Variants in LAMC2 observed in about 807,000 individuals in gnomAD.
LAMC2 encodes the protein laminin subunit gamma 2.
In LAMC2, 97 loss-of-function variants were observed where a neutral mutation model predicts 140.2. The observed-to-expected ratio is 0.69, with a 90% confidence interval of 0.59 to 0.82. The LOEUF (loss-of-function observed/expected upper bound fraction) is 0.82, where lower values mean the gene tolerates loss of function less well. LAMC2 is among the 40% of genes least tolerant of loss of function. LAMC2 has a pLI of 0.00. For missense variants in LAMC2, 1,402 were observed against 1,476.1 expected, an observed-to-expected ratio of 0.95 and a Z score of 0.82; for synonymous variants, 513 against 540.2, an observed-to-expected ratio of 0.95 and a Z score of 0.70.
At position 183,228,750 on chromosome 1, in the gene LAMC2, G is replaced by A; in HGVS notation, c.1714+131G>A. 1 of 1,244,388 alleles carries A rather than the reference G, an allele frequency of 8.0e-7. No individual in the cohort carries two copies. Among genetic ancestry groups the A allele is most frequent in the Non-Finnish European group, 1.2e-6 (1 of 863,102 alleles). The allele number at this position is 1,244,388 out of a possible 1,614,324, so 77.1% of individuals were successfully genotyped here. On this transcript the variant is annotated intron_variant, in intron 11 of 22. Transcript: ENST00000264144. The surrounding 1 kb of genome is among the most constrained non-coding windows in gnomAD (Gnocchi z 4.3). ...TGATTCTCTGACCAAACTGGCCTGT[G>A]AGCACCCTGGGCCTTTCTTCCTCTG...
rs1347387956 is a variant in LAMC2 at position 183,238,226 on chromosome 1, G to C, written c.2755-81G>C. Reference sequence around the variant, plus strand: ...CTGCAGTGAATCACAATGATCTGCTGTCATGAAGAGAAATGTGTCAGAGTG... The same window carrying C: ...CTGCAGTGAATCACAATGATCTGCTCTCATGAAGAGAAATGTGTCAGAGTG... On this transcript the variant is annotated intron_variant, in intron 18 of 22. Transcript: ENST00000264144. The C allele has an allele frequency of 4.0e-6, 4 of 1,001,850 alleles. No individual in the cohort carries two copies. In the East Asian group the frequency reaches 7.1e-5, roughly 18 times the overall value. 62.1% of individuals were successfully genotyped at this position (1,001,850 alleles called of 1,614,324 possible).
chr1:183,203,936 T>C (rs1658803119), intron 1 of LAMC2, among the ~76,000 whole-genome samples: 1 of 152,148 alleles, frequency 6.6e-6, no homozygotes, highest in South Asian at 2.1e-4. Context: ...GGAGGGGAGA[T>C]GCTGGCTAAG....
chr1:183,238,814 G>T (rs1490168459), intron 19 of LAMC2, among the ~76,000 whole-genome samples: 1 of 151,918 alleles, frequency 6.6e-6, no homozygotes, highest in East Asian at 1.9e-4. Flanking sequence ...TGTGTAGTCT[G>T]GTTGGTTCCA....
In LAMC2 at chr1:183,231,048, A is replaced by C; in HGVS notation, c.1802A>C (p.Asn601Thr). 1 of 1,614,166 alleles carries C rather than the reference A, an allele frequency of 6.2e-7. No homozygotes were observed. Among genetic ancestry groups the C allele is most frequent in the Non-Finnish European group, 8.5e-7 (1 of 1,180,024 alleles). The change falls in exon 12 of 23, where the codon AAC becomes ACC. Residue 601 changes from asparagine (N) to threonine (T), a missense_variant. Transcript: ENST00000264144. The part of the protein sequence containing the change: ...CVCKPGFGGP[N>T]CEHGAFSCPA... ...TGCAAGCCAGGATTTGGTGGCCCCA[A>C]CTGTGAGCATGGAGCATTCAGCTGT...
rs756017057 is a variant in LAMC2 at position 183,228,641 on chromosome 1, G to T, written c.1714+22G>T. 13 of 1,613,382 alleles carry T rather than the reference G, an allele frequency of 8.1e-6. No homozygotes were observed. Among genetic ancestry groups the T allele is most frequent in the East Asian group, 6.7e-5 (3 of 44,870 alleles). On this transcript the variant is annotated intron_variant, in intron 11 of 22. Transcript: ENST00000264144. The surrounding 1 kb of genome is among the most constrained non-coding windows in gnomAD (Gnocchi z 4.3). ...CGAGGTAGGACTCCACCCCAGGCAG[G>T]CTGTGTCTGTGCGTGCCTGTGTACG... is the stretch of plus-strand genomic sequence containing the variant.
At chr1:183,256,354 A>T in the LAMC2 span, among the ~76,000 whole-genome samples, 1 of 152,164 alleles carries the variant, frequency 6.6e-6, no homozygotes, top group African/African-American at 2.4e-5. Context: ...GGTTGCAGTG[A>T]GCAGAGATTG....
chr1:183,225,627 A>T lies in LAMC2; in HGVS notation c.973A>T (p.Asn325Tyr). The T allele has an allele frequency of 6.2e-7, 1 of 1,613,672 alleles. No individual in the cohort carries two copies. Among genetic ancestry groups the T allele is most frequent in the Non-Finnish European group, 8.5e-7 (1 of 1,179,510 alleles). Residue 325 changes from asparagine (N) to tyrosine (Y), a missense_variant, in exon 8 of 23, where the codon AAT (asparagine) becomes TAT (tyrosine). Asn to Tyr is a moderately radical substitution (Grantham distance 143). Around this residue, in one of 3 missense-constraint regions of LAMC2, gnomAD observed 723 missense variants for 783.3 expected, o/e 0.92. Transcript: ENST00000264144. ...ATGCAGGTTAAATGAGCATCCAAGCAATAATTGGAGCCCCCAGCTGAGTTA... is the reference window on the plus strand; with the variant it reads ...ATGCAGGTTAAATGAGCATCCAAGCTATAATTGGAGCCCCCAGCTGAGTTA... ...YTFRLNEHPS[N>Y]NWSPQLSYFE...
chr1:183,235,504 C>T, intron 15 of LAMC2, 71 bp from the exon 16 acceptor site: 1 of 1,556,454 alleles, frequency 6.4e-7, no homozygotes, highest in Non-Finnish European at 8.8e-7. Flanking sequence ...CTTTGCCCTT[C>T]GTGTAACTGA....
At chr1:183,231,606 A>G (rs895396837) in intron 12 of LAMC2, among the ~76,000 whole-genome samples, 14 of 152,248 alleles carry the variant, frequency 9.2e-5, no homozygotes, top group African/African-American at 3.4e-4. Flanking sequence ...TCCAGAAAGT[A>G]TCAAGGCTTC....
Position 183,240,163 on chromosome 1 carries a change from C to A in LAMC2, c.3193C>A (p.Leu1065Met). Residue 1065 changes from leucine to methionine, a missense_variant, in exon 21 of 23, where the codon CTG becomes ATG. This residue lies in a region of LAMC2 where 670 missense variants were observed against 667.2 expected (regional missense o/e 1.00). Transcript: ENST00000264144. ...EVEGELERKE[L>M]EFDTNMDAVQ... Reference sequence around the variant, plus strand: ...GGAAGGAGAGCTGGAAAGGAAGGAGCTGGAGTTTGACACGAATATGGATGC... The same window carrying A: ...GGAAGGAGAGCTGGAAAGGAAGGAGATGGAGTTTGACACGAATATGGATGC... The A allele has an allele frequency of 1.2e-5, 20 of 1,614,198 alleles. No homozygotes were observed. Among genetic ancestry groups the A allele is most frequent in the Non-Finnish European group, 1.7e-5 (20 of 1,180,034 alleles).
downstream of LAMC2, chr1:183,248,595 A>G (rs201758973): frequency 6.6e-6 from 1 of 152,186 alleles, no homozygotes; most frequent in African/African-American, 2.4e-5. Context: ...TCACACTACA[A>G]AGAGACCACA....
chr1:183,222,305 A>G lies in LAMC2; in HGVS notation c.763+94A>G. ...AGTTAGAAATTGTGGAAACCATATA[A>G]CTTTGGGTTCAGGGTAGCAGCATCT... On this transcript the variant is annotated intron_variant, in intron 6 of 22. Transcript: ENST00000264144. 4.9e-6 allele frequency: 7 copies of G among 1,420,276 alleles called. No individual in the cohort carries two copies. In the South Asian group the frequency reaches 6.9e-5, roughly 14 times the overall value. 88.0% of individuals were successfully genotyped at this position (1,420,276 alleles called of 1,614,324 possible).
chr1:183,256,359 A>AGATT, the LAMC2 span, among the ~76,000 whole-genome samples: 1 of 152,142 alleles, frequency 6.6e-6, no homozygotes, highest in Non-Finnish European at 1.5e-5. Context: ...CAGTGAGCAG[A>AGATT]GATTGTGCCA....
chr1:183,220,642 G>A (rs1043116604), intron 4 of LAMC2, among the ~76,000 whole-genome samples, 183 bp from the exon 5 acceptor site: 3 of 151,902 alleles, frequency 2.0e-5, no homozygotes, highest in African/African-American at 7.3e-5. Context: ...AATTTAGGGG[G>A]GTCGTGATTG....
At chr1:183,213,980 G>A (rs1469035186) in intron 2 of LAMC2, among the ~76,000 whole-genome samples, 7 of 151,774 alleles carry the variant, frequency 4.6e-5, no homozygotes, top group African/African-American at 1.2e-4. Flanking sequence ...CAGGAGAATC[G>A]CTTGAACCCG....
chr1:183,243,805 C>T lies in LAMC2; in HGVS notation c.*405C>T, dbSNP rs148313302. Reference sequence around the variant, plus strand: ...TAAAGGAAAAAACTTTGACTTTGCCCAGGCATGAAATTCTTCCTAATGTCA... The same window carrying T: ...TAAAGGAAAAAACTTTGACTTTGCCTAGGCATGAAATTCTTCCTAATGTCA... On this transcript the variant is annotated 3_prime_UTR_variant, in exon 23 of 23. Transcript: ENST00000264144. 1.2e-3 allele frequency: 337 copies of T among 283,010 alleles called. No homozygotes were observed. Among genetic ancestry groups the T allele is most frequent in the Middle Eastern group, 6.4e-3 (5 of 784 alleles). 17.5% of individuals were successfully genotyped at this position (283,010 alleles called of 1,614,324 possible). A position where few individuals can be genotyped will look rare whatever the true frequency, so the allele number is the denominator to read the frequency against.
chr1:183,215,682 T>C lies in LAMC2; in HGVS notation c.404+94T>C, dbSNP rs529984348. 2.1e-6 allele frequency: 3 copies of C among 1,446,350 alleles called. No individual in the cohort carries two copies. In the South Asian group the frequency reaches 3.4e-5, roughly 17 times the overall value. 89.6% of individuals were successfully genotyped at this position (1,446,350 alleles called of 1,614,324 possible). On this transcript the variant is annotated intron_variant, in intron 3 of 22. Coordinates refer to ENST00000264144, the MANE Select transcript of LAMC2 (RefSeq NM_005562.3). ...ACTTGTATTTACTGAGCCCCTACCC[T>C]GTGCCAAACACTGCTTTGAGAGTAC...
rs886045643 is a variant in LAMC2 at position 183,245,037 on chromosome 1, G to A, written c.*1637G>A. On this transcript the variant is annotated 3_prime_UTR_variant, in exon 23 of 23. Transcript: ENST00000264144. ...TTCCCACTTCTGAGCATCTTACTTCGCCCATTCCAACCATACAGGATTGAT... is the reference window on the plus strand; with the variant it reads ...TTCCCACTTCTGAGCATCTTACTTCACCCATTCCAACCATACAGGATTGAT... The A allele has an allele frequency of 3.3e-5, 5 of 152,108 alleles. No individual in the cohort carries two copies. The highest frequency in any genetic ancestry group is 1.9e-4 in the East Asian group (1 of 5,194). The allele number at this position is 152,108 out of a possible 1,614,324, so 9.4% of individuals were successfully genotyped here.
intron 1 of LAMC2, among the ~76,000 whole-genome samples, chr1:183,198,060 A>C (rs1384256852): frequency 6.6e-6 from 1 of 152,096 alleles, no homozygotes; most frequent in Non-Finnish European, 1.5e-5. Flanking sequence ...TGAGGGACAC[A>C]TGCAGGAAAG....
Sources: allele counts gnomAD v4.1 joint callset (sites outside exome capture counted in the v4.1 genomes callset), GRCh38; gene constraint gnomAD v4.1.1; regional missense constraint gnomAD v4.1.1; non-coding constraint Gnocchi (gnomAD v3.1); transcripts MANE v1.5; gene names NCBI Gene and HGNC (gene_info 2026-07-23, HGNC 2026-07-21).